Variants in THUMPD3 observed in about 807,000 individuals in gnomAD.
The protein encoded by THUMPD3 is THUMP domain 3 tRNA guanosine methyltransferase, also known as tRNA (guanine(6)-N(2))-methyltransferase THUMP3.
A neutral mutation model predicts 54.5 loss-of-function variants in THUMPD3; 44 were observed. That is an observed-to-expected ratio of 0.81 (90% CI 0.63 to 1.04). The LOEUF (loss-of-function observed/expected upper bound fraction) is 1.04, where lower values mean the gene tolerates loss of function less well. Among genes scored for constraint, THUMPD3 ranks in the 50% least tolerant of loss-of-function variants. The pLI is 0.00. For synonymous variants in THUMPD3, 196 were observed against 201.4 expected (o/e 0.97, Z 0.23); for missense variants, 604 against 601.3 (o/e 1.00, Z -0.05).
intron 3 of THUMPD3, among the ~76,000 whole-genome samples, chr3:9,370,773 CA>C (rs767353114): frequency 1.8e-4 from 27 of 152,250 alleles, no homozygotes; most frequent in Non-Finnish European, 2.9e-4. Context: ...CATTATTTCC[CA>C]AACAATACAG....
Position 9,365,173 on chromosome 3 carries a change from G to C in THUMPD3, c.105G>C (p.Glu35Asp). ...VTESDLGSES[E>D]LLVTIGATVP... is the part of the protein sequence containing the mutation. Reference sequence around the variant, plus strand: ...AAAGTGACCTCGGAAGTGAATCTGAGCTTCTAGTCACTATTGGAGCCACTG... The same window carrying C: ...AAAGTGACCTCGGAAGTGAATCTGACCTTCTAGTCACTATTGGAGCCACTG... The change falls in exon 2 of 10, where the codon GAG (glutamate) becomes GAC (aspartate). Residue 35 changes from glutamate (E) to aspartate (D), a missense_variant. By Grantham distance (45) the Glu-to-Asp change is conservative (BLOSUM62 2). Coordinates refer to ENST00000452837, the MANE Select transcript of THUMPD3 (RefSeq NM_001114092.2). 1.9e-6 allele frequency: 3 copies of C among 1,614,174 alleles called. No homozygotes were observed. The highest frequency in any genetic ancestry group is 2.5e-6 in the Non-Finnish European group (3 of 1,180,036).
At chr3:9,366,142 C>T (rs1156773593) in intron 2 of THUMPD3, among the ~76,000 whole-genome samples, 4 of 152,084 alleles carry the variant, frequency 2.6e-5, no homozygotes, top group African/African-American at 9.7e-5. Context: ...GATGTTTAAC[C>T]TTTGGTGATG....
chr3:9,377,881 C>A lies in THUMPD3; in HGVS notation c.1001C>A (p.Pro334Gln). Residue 334 changes from proline to glutamine, a missense_variant, in exon 6 of 10, where the codon CCA becomes CAA. Pro to Gln is a moderately conservative substitution (Grantham distance 76, BLOSUM62 -1). Transcript: ENST00000452837. Reference sequence around the variant, plus strand: ...CCAATGTGTGGAACTGGGGCAATACCAATAGAGGTAATCATATTTCTTTAG... The same window carrying A: ...CCAATGTGTGGAACTGGGGCAATACAAATAGAGGTAATCATATTTCTTTAG... The part of the protein sequence containing the change: ...VDPMCGTGAI[P>Q]IEGATEWSDC... 6.2e-7 allele frequency: 1 copy of A among 1,609,948 alleles called. No individual in the cohort carries two copies. The highest frequency in any genetic ancestry group is 8.5e-7 in the Non-Finnish European group (1 of 1,176,404).
chr3:9,378,880 A>G, intron 6 of THUMPD3, among the ~76,000 whole-genome samples: 1 of 152,176 alleles, frequency 6.6e-6, no homozygotes, highest in Non-Finnish European at 1.5e-5. Flanking sequence ...TTCTAGTATG[A>G]AATCATGATA....
chr3:9,374,450 A>T, intron 4 of THUMPD3, 66 bp from the exon 5 acceptor site: 1 of 1,575,976 alleles, frequency 6.3e-7, no homozygotes. Flanking sequence ...AGGTCAGAAA[A>T]GTCTTATTAC....
chr3:9,379,650 T>C (rs533921872), intron 6 of THUMPD3, among the ~76,000 whole-genome samples: 2 of 151,978 alleles, frequency 1.3e-5, no homozygotes, highest in South Asian at 2.1e-4. Context: ...TCCAGTGATA[T>C]GGTGGTTACC....
At chr3:9,364,369 CAG>C (rs1331803936) in intron 1 of THUMPD3, among the ~76,000 whole-genome samples, 5 of 151,452 alleles carry the variant, frequency 3.3e-5, no homozygotes, top group African/African-American at 1.2e-4. Flanking sequence ...TTTTTTGAGA[CAG>C]AGTCTTGTTC....
chr3:9,371,911 C>T (rs1287804015), intron 4 of THUMPD3, among the ~76,000 whole-genome samples: 2 of 152,194 alleles, frequency 1.3e-5, no homozygotes, highest in South Asian at 2.1e-4. Flanking sequence ...GAGTCTTGCT[C>T]TGTCACCCAG....
In THUMPD3 at chr3:9,373,230, C is replaced by T. The variant is rs532868465; in HGVS notation, c.808-1286C>T. Among the ~76,000 whole-genome samples the T allele has an allele frequency of 1.2e-4, 18 of 152,308 alleles. No homozygotes were observed. In the South Asian group the frequency reaches 3.3e-3, roughly 28 times the overall value. On this transcript the variant is annotated intron_variant, in intron 4 of 9. Transcript: ENST00000452837. The stretch of plus-strand genomic sequence containing the variant: ...AGAGGAGGCTGGGTGTGGTGACACA[C>T]ACCTGTAATCCCAGCACTTTGGGAG...
chr3:9,374,798 C>T, intron 5 of THUMPD3, 152 bp downstream of exon 5: 2 of 901,738 alleles, frequency 2.2e-6, no homozygotes, highest in Non-Finnish European at 3.3e-6. Flanking sequence ...CTATTTCTTT[C>T]CCTTCTATCC....
rs2033353097 is a variant in THUMPD3 at position 9,386,704 on chromosome 3, T to A, written c.*2016T>A. On this transcript the variant is annotated 3_prime_UTR_variant, in exon 10 of 10. Transcript: ENST00000452837. ...GTGACACTGCCACCTATTCATTGTG[T>A]GACCTTGGTTTTAACCTTCAAAGTG... 6.6e-6 allele frequency: 1 copy of A among 152,088 alleles called. No homozygotes were observed. The highest frequency in any genetic ancestry group is 6.6e-5 in the Admixed American group (1 of 15,266). The allele number at this position is 152,088 out of a possible 1,614,324, so 9.4% of individuals were successfully genotyped here.
intron 3 of THUMPD3, among the ~76,000 whole-genome samples, chr3:9,368,918 A>C (rs1276695189): frequency 6.6e-6 from 1 of 152,148 alleles, no homozygotes; most frequent in Non-Finnish European, 1.5e-5. Context: ...TAGCATACAT[A>C]CTTTTCTGCG....
At chr3:9,364,353 A>AT (rs1344116139) in intron 1 of THUMPD3, among the ~76,000 whole-genome samples, 1 of 151,094 alleles carries the variant, frequency 6.6e-6, no homozygotes, top group African/African-American at 2.4e-5. Context: ...TTATTTATTT[A>AT]TTTATTTTTT....
At chr3:9,363,253 C>T (rs898199919) in intron 1 of THUMPD3, 126 bp downstream of exon 1, 1 of 152,252 alleles carries the variant, frequency 6.6e-6, no homozygotes, top group Non-Finnish European at 1.5e-5. Flanking sequence ...GATCTCGTGG[C>T]GGAGCCCATC....
chr3:9,364,245 A>G (rs551216473), intron 1 of THUMPD3, among the ~76,000 whole-genome samples: 2 of 152,164 alleles, frequency 1.3e-5, no homozygotes, highest in African/African-American at 4.8e-5. Flanking sequence ...TTAATTTGCC[A>G]TAAGTCATTC....
rs762378589 is a variant in THUMPD3 at position 9,374,646 on chromosome 3, G to A, written c.938G>A (p.Arg313Lys). 1.2e-6 allele frequency: 2 copies of A among 1,612,786 alleles called. No homozygotes were observed. The highest frequency in any genetic ancestry group is 1.1e-5 in the South Asian group (1 of 90,886). Reference protein sequence around the residue: ...LRSTLAYGMLRLCDPLPYDII... With the variant: ...LRSTLAYGMLKLCDPLPYDII... ...TCAACTCTTGCCTATGGGATGCTCA[G>A]GTAAGAAAATGAGTTTGCCATCCAG... The change falls in exon 5 of 10, where the codon AGG becomes AAG. Residue 313 changes from arginine (R) to lysine (K), a missense_variant and splice_region_variant. Physicochemically the swap from Arg to Lys is conservative, Grantham distance 26 (BLOSUM62 2). Coordinates refer to ENST00000452837, the MANE Select transcript of THUMPD3 (RefSeq NM_001114092.2).
At chr3:9,372,853 C>T (rs1025751232) in intron 4 of THUMPD3, among the ~76,000 whole-genome samples, 5 of 152,132 alleles carry the variant, frequency 3.3e-5, no homozygotes, top group South Asian at 4.1e-4. Flanking sequence ...AGTCAATTTC[C>T]GTTGCTTTTG....
chr3:9,373,183 G>A (rs186510448), intron 4 of THUMPD3, among the ~76,000 whole-genome samples: 3 of 152,262 alleles, frequency 2.0e-5, no homozygotes, highest in East Asian at 1.9e-4. Flanking sequence ...TTCTGGAGCC[G>A]TGCTGCATTG....
At chr3:9,381,091 C>G (rs905080398) in intron 7 of THUMPD3, among the ~76,000 whole-genome samples, 1 of 152,004 alleles carries the variant, frequency 6.6e-6, no homozygotes, top group Non-Finnish European at 1.5e-5. Context: ...GCCACCATGC[C>G]CAGCTAATTT....
Sources: gnomAD v4.1 joint callset for allele counts (sites outside exome capture counted in the v4.1 genomes callset) on GRCh38, gnomAD v4.1.1 for gene constraint, MANE v1.5 for transcripts, NCBI Gene and HGNC (gene_info 2026-07-23, HGNC 2026-07-21) for gene names.